The following EPHA6 variants were observed in gnomAD, a reference collection of about 807,000 sequenced individuals.
EPHA6 encodes the protein ephrin type-A receptor 6.
A neutral mutation model predicts 112.0 loss-of-function variants in EPHA6; 50 were observed. The observed-to-expected ratio is 0.45, with a 90% CI of 0.36 to 0.56. The LOEUF (loss-of-function observed/expected upper bound fraction) is 0.56, where lower values mean the gene tolerates loss of function less well. Ranked by LOEUF, EPHA6 falls within the 20% of genes least tolerant of loss-of-function variation. The pLI is 0.00. For synonymous variants in EPHA6, 529 were observed against 490.7 expected (o/e 1.08, Z -1.03); for missense variants, 1,280 against 1,417.4 (o/e 0.90, Z 1.56).
intron 14 of EPHA6, among the ~76,000 whole-genome samples, chr3:97,661,608 A>G (rs2094170072): frequency 6.6e-6 from 1 of 152,176 alleles, no homozygotes. Context: ...CCTTGAAGTG[A>G]AACCAGTTTC....
chr3:97,539,163 T>A (rs1217132896), intron 11 of EPHA6, among the ~76,000 whole-genome samples: 1 of 150,438 alleles, frequency 6.6e-6, no homozygotes, highest in Non-Finnish European at 1.5e-5. Flanking sequence ...CTTTTTTTTT[T>A]TTGAGACACA....
intron 16 of EPHA6, among the ~76,000 whole-genome samples, chr3:97,743,701 T>C (rs938489357): frequency 7.2e-5 from 11 of 152,022 alleles, no homozygotes; most frequent in Admixed American, 6.6e-4. Context: ...AAACAAGAAG[T>C]TGTGTTAGAG....
intron 1 of EPHA6, among the ~76,000 whole-genome samples, chr3:96,823,304 A>G (rs2033411537): frequency 6.6e-6 from 1 of 151,740 alleles, no homozygotes; most frequent in African/African-American, 2.4e-5. Flanking sequence ...AGCTATAAAC[A>G]TACCAATGAT....
chr3:97,577,695 T>C (rs953028934), intron 11 of EPHA6, among the ~76,000 whole-genome samples: 3 of 152,204 alleles, frequency 2.0e-5, no homozygotes, highest in African/African-American at 7.2e-5. Context: ...AGCTATTCAC[T>C]TCTAGATAAT....
intron 7 of EPHA6, chr3:97,466,513 G>A (rs765425465): frequency 1.0e-6 from 1 of 983,074 alleles, no homozygotes; most frequent in Admixed American, 1.7e-5. Context: ...GTAGTGTGAG[G>A]GTCGGGCCAA....
At chr3:97,026,038 C>T (rs1203760383) in intron 3 of EPHA6, among the ~76,000 whole-genome samples, 1 of 151,632 alleles carries the variant, frequency 6.6e-6, no homozygotes, top group Non-Finnish European at 1.5e-5. Context: ...TTGTTTTTAT[C>T]AGGTTTGTTG....
At chr3:96,965,888 A>G (rs538027461) in intron 2 of EPHA6, among the ~76,000 whole-genome samples, 1 of 152,230 alleles carries the variant, frequency 6.6e-6, no homozygotes, top group East Asian at 1.9e-4. Context: ...GCTACTGAAC[A>G]GCCAGAATAG....
intron 10 of EPHA6, among the ~76,000 whole-genome samples, chr3:97,507,708 T>C (rs1318416947): frequency 6.6e-6 from 1 of 152,180 alleles, no homozygotes; most frequent in Non-Finnish European, 1.5e-5. Context: ...CTCTTTTTTC[T>C]GTTGTTTGGA....
intron 3 of EPHA6, among the ~76,000 whole-genome samples, chr3:97,068,798 CTCTT>C (rs2046262803): frequency 1.3e-5 from 2 of 152,136 alleles, no homozygotes; most frequent in Admixed American, 6.6e-5. Context: ...AGGCCCCACT[CTCTT>C]TCTACCGTCT....
At chr3:96,960,901 A>G (rs952440444) in intron 2 of EPHA6, among the ~76,000 whole-genome samples, 11 of 152,114 alleles carry the variant, frequency 7.2e-5, no homozygotes, top group African/African-American at 2.7e-4. Flanking sequence ...CCTACCTTCT[A>G]TCCTTCTCTC....
chr3:97,567,459 G>C (rs894368238), intron 11 of EPHA6, among the ~76,000 whole-genome samples: 13 of 152,170 alleles, frequency 8.5e-5, no homozygotes, highest in Non-Finnish European at 1.6e-4. Context: ...AAAACATTTT[G>C]AGAGTGTCAA....
intron 5 of EPHA6, among the ~76,000 whole-genome samples, chr3:97,291,403 G>A (rs755785855): frequency 3.3e-5 from 5 of 152,126 alleles, no homozygotes; most frequent in Non-Finnish European, 7.4e-5. Context: ...TTGTTTCTTT[G>A]TTAATTTTCT....
chr3:97,375,287 G>T (rs1577145810), intron 5 of EPHA6, among the ~76,000 whole-genome samples: 1 of 152,214 alleles, frequency 6.6e-6, no homozygotes, highest in African/African-American at 2.4e-5. Context: ...TCCTACTTCT[G>T]TTGTGTCTAA....
At chr3:97,485,085 G>C (rs1398461962) in intron 10 of EPHA6, among the ~76,000 whole-genome samples, 1 of 152,190 alleles carries the variant, frequency 6.6e-6, no homozygotes, top group Non-Finnish European at 1.5e-5. Context: ...TCTTGATGGG[G>C]AACATAGGTC....
chr3:97,440,796 T>A (rs2090096404), intron 6 of EPHA6, among the ~76,000 whole-genome samples: 1 of 151,678 alleles, frequency 6.6e-6, no homozygotes, highest in Non-Finnish European at 1.5e-5. Flanking sequence ...CAAAAGCCAG[T>A]GTTTTTAAAA....
chr3:97,031,580 G>A (rs2044845501), intron 3 of EPHA6, among the ~76,000 whole-genome samples: 1 of 151,942 alleles, frequency 6.6e-6, no homozygotes, highest in African/African-American at 2.4e-5. Context: ...AATCTACAAT[G>A]AACTCAAACA....
At chr3:97,396,780 C>G (rs1283432541) in intron 5 of EPHA6, among the ~76,000 whole-genome samples, 2 of 151,616 alleles carry the variant, frequency 1.3e-5, no homozygotes, top group Non-Finnish European at 3.0e-5. Context: ...GATAAATATA[C>G]ATGGTATAAA....
chr3:96,843,763 A>T (rs947881067), intron 1 of EPHA6, among the ~76,000 whole-genome samples: 1 of 152,088 alleles, frequency 6.6e-6, no homozygotes, highest in Admixed American at 6.6e-5. Context: ...TGAGTATATC[A>T]TGGAACAGCC....
At chr3:97,451,212 G>A (rs185910257) in intron 7 of EPHA6, among the ~76,000 whole-genome samples, 25 of 152,022 alleles carry the variant, frequency 1.6e-4, no homozygotes, top group South Asian at 2.1e-4. Context: ...TGGTGAATTC[G>A]AATCCTGGAT....
Sources: allele counts gnomAD v4.1 joint callset (sites outside exome capture counted in the v4.1 genomes callset), GRCh38; gene constraint gnomAD v4.1.1; transcripts MANE v1.5; gene names NCBI Gene and HGNC (gene_info 2026-07-23, HGNC 2026-07-21).